The following DPF3 variants were observed in gnomAD, a reference collection of about 807,000 sequenced individuals.
DPF3 encodes zinc finger protein DPF3.
Under a neutral mutation model 56.8 loss-of-function variants are expected in DPF3, and 18 were observed. The observed-to-expected ratio is 0.32, with a 90% CI of 0.22 to 0.47. The LOEUF (loss-of-function observed/expected upper bound fraction) is 0.47. DPF3 is among the 20% of genes least tolerant of loss of function. The probability of loss-of-function intolerance (pLI) is 1.00; values close to 1 mark genes in which losing one functional copy is unlikely to be tolerated. For synonymous variants in DPF3, 188 were observed against 180.2 expected (o/e 1.04, Z -0.35); for missense variants, 403 against 488.8 (o/e 0.82, Z 1.65).
intron 1 of DPF3, among the ~76,000 whole-genome samples, chr14:72,864,481 G>C (rs1885582709): frequency 6.6e-6 from 1 of 152,192 alleles, no homozygotes; most frequent in African/African-American, 2.4e-5. Context: ...TACAGTGCTT[G>C]GCACTTAGTG....
intron 1 of DPF3, among the ~76,000 whole-genome samples, chr14:72,855,390 C>T (rs999477487): frequency 6.6e-6 from 1 of 152,094 alleles, no homozygotes; most frequent in African/African-American, 2.4e-5. Context: ...AGATAGTAGC[C>T]CATTATGAGT....
intron 8 of DPF3, among the ~76,000 whole-genome samples, chr14:72,646,211 A>G (rs972003341): frequency 6.6e-6 from 1 of 152,156 alleles, no homozygotes; most frequent in African/African-American, 2.4e-5. Flanking sequence ...TACTACTTCC[A>G]CCTTTTGCCT....
intron 1 of DPF3, chr14:72,807,000 T>C (rs754838515): frequency 5.3e-5 from 8 of 152,244 alleles, no homozygotes; most frequent in Non-Finnish European, 1.2e-4. Flanking sequence ...AAACTGTTCC[T>C]GGGTTTATTT....
At chr14:72,865,130 G>A (rs773446831) in intron 1 of DPF3, among the ~76,000 whole-genome samples, 5 of 152,160 alleles carry the variant, frequency 3.3e-5, no homozygotes, top group South Asian at 2.1e-4. Flanking sequence ...ATTGAGTCAC[G>A]GGTGCTGGCT....
intron 4 of DPF3, among the ~76,000 whole-genome samples, chr14:72,726,993 C>A (rs1889434226): frequency 6.6e-6 from 1 of 152,188 alleles, no homozygotes; most frequent in African/African-American, 2.4e-5. Flanking sequence ...AATACAAATT[C>A]ACGGCCCTGA....
chr14:72,706,683 C>T (rs980190575), intron 6 of DPF3, among the ~76,000 whole-genome samples: 4 of 152,124 alleles, frequency 2.6e-5, no homozygotes, highest in Admixed American at 6.5e-5. Context: ...AGGCTCCTTG[C>T]TTTCCTATAC....
chr14:72,692,427 G>A (rs564852136), intron 7 of DPF3, among the ~76,000 whole-genome samples: 1 of 152,198 alleles, frequency 6.6e-6, no homozygotes, highest in Middle Eastern at 3.2e-3. Flanking sequence ...TTCATAATTG[G>A]AAGTTGAGGT....
chr14:72,853,034 C>T (rs201025315), intron 1 of DPF3, among the ~76,000 whole-genome samples: 21 of 144,100 alleles, frequency 1.5e-4, no homozygotes, highest in African/African-American at 2.8e-4. Flanking sequence ...CATAGCCTTG[C>T]GTGTGTGTGT....
intron 8 of DPF3, among the ~76,000 whole-genome samples, chr14:72,654,803 A>G (rs1261523209): frequency 3.9e-5 from 6 of 152,194 alleles, no homozygotes; most frequent in African/African-American, 1.4e-4. Flanking sequence ...ATGGCAACAC[A>G]AGACATTTGG....
chr14:72,634,953 A>G (rs1385360802), intron 8 of DPF3, among the ~76,000 whole-genome samples: 1 of 152,186 alleles, frequency 6.6e-6, no homozygotes, highest in Non-Finnish European at 1.5e-5. Flanking sequence ...TTAAAAACCT[A>G]GTCCTTCCCG....
intron 3 of DPF3, among the ~76,000 whole-genome samples, chr14:72,732,709 C>T (rs572197603): frequency 7.2e-5 from 11 of 152,194 alleles, no homozygotes; most frequent in Non-Finnish European, 1.2e-4. Context: ...AGTGGCAACC[C>T]GAGCCAGCCC....
intron 1 of DPF3, among the ~76,000 whole-genome samples, chr14:72,798,419 AACAT>A (rs930039503): frequency 4.6e-5 from 7 of 152,018 alleles, no homozygotes; most frequent in South Asian, 2.1e-4. Flanking sequence ...CCATATTTTC[AACAT>A]ACATACATAC....
chr14:72,785,129 A>T (rs887556227), intron 1 of DPF3, among the ~76,000 whole-genome samples: 3 of 152,194 alleles, frequency 2.0e-5, no homozygotes, highest in Non-Finnish European at 4.4e-5. Context: ...TCTACAAAAA[A>T]ATAAAAAATA....
intron 6 of DPF3, among the ~76,000 whole-genome samples, chr14:72,709,639 T>C (rs1888569908): frequency 6.6e-6 from 1 of 152,110 alleles, no homozygotes; most frequent in Non-Finnish European, 1.5e-5. Context: ...GGGCAGTTAG[T>C]ATGGAAGATG....
At chr14:72,803,336 G>C (rs1014002609) in intron 1 of DPF3, among the ~76,000 whole-genome samples, 1 of 152,212 alleles carries the variant, frequency 6.6e-6, no homozygotes, top group African/African-American at 2.4e-5. Context: ...CAAAAAAGCT[G>C]CTTATGGCTG....
At chr14:72,637,541 CA>C (rs1231101174) in intron 8 of DPF3, among the ~76,000 whole-genome samples, 1 of 152,256 alleles carries the variant, frequency 6.6e-6, no homozygotes, top group African/African-American at 2.4e-5. Context: ...TGAGAAAATC[CA>C]AACCCCTGCC....
At chr14:72,630,192 G>C (rs1229623107) in intron 8 of DPF3, among the ~76,000 whole-genome samples, 3 of 152,164 alleles carry the variant, frequency 2.0e-5, no homozygotes, top group Admixed American at 6.5e-5. Flanking sequence ...GTGCAAGGGA[G>C]GCTATCAGAA....
rs1006299807 is a variant in DPF3, at chr14:72,726,405, CACATG to C, written c.430-2682_430-2678del. Among the ~76,000 whole-genome samples the C allele has an allele frequency of 1.7e-4, 26 of 152,294 alleles. 1 individual carries two copies. The highest frequency in any genetic ancestry group is 6.3e-4 in the African/African-American group (26 of 41,554). ...GCAGCTGAGCTAGTCCCCAGAGTGT[CACATG>C]GCCTCCATATCTGGGAGTAAACTGA... On this transcript the variant is annotated intron_variant, in intron 4 of 10. Coordinates refer to ENST00000556509, the MANE Select transcript of DPF3 (RefSeq NM_001280542.3).
intron 1 of DPF3, among the ~76,000 whole-genome samples, chr14:72,884,146 C>A (rs1886426268): frequency 6.6e-6 from 1 of 152,122 alleles, no homozygotes. Context: ...AACCGCGCTT[C>A]TGCTTCCTCT....
Sources: gnomAD v4.1 joint callset for allele counts (sites outside exome capture counted in the v4.1 genomes callset) on GRCh38, gnomAD v4.1.1 for gene constraint, MANE v1.5 for transcripts, NCBI Gene and HGNC (gene_info 2026-07-23, HGNC 2026-07-21) for gene names.